Variants in MCTP1 observed in about 807,000 individuals in gnomAD.
The protein encoded by MCTP1 is multiple C2 and transmembrane domain-containing protein 1.
A neutral mutation model predicts 120.6 loss-of-function variants in MCTP1; 69 were observed. That is an observed-to-expected ratio of 0.57 (90% CI 0.47 to 0.70). The LOEUF (loss-of-function observed/expected upper bound fraction) is 0.70. MCTP1 is among the 30% of genes least tolerant of loss of function. The probability of loss-of-function intolerance (pLI) is 0.00; values close to 1 mark genes in which losing one functional copy is unlikely to be tolerated. For synonymous variants in MCTP1, 529 were observed against 493.1 expected (o/e 1.07, Z -0.96); for missense variants, 1,203 against 1,248.8 (o/e 0.96, Z 0.55).
chr5:94,946,689 A>C (rs1819017118), intron 3 of MCTP1, among the ~76,000 whole-genome samples: 1 of 152,082 alleles, frequency 6.6e-6, no homozygotes, highest in African/African-American at 2.4e-5. Context: ...TTTCTAATTC[A>C]AGGCTTTGTC....
chr5:94,722,097 C>T (rs1343877819), intron 19 of MCTP1, among the ~76,000 whole-genome samples: 1 of 152,082 alleles, frequency 6.6e-6, no homozygotes, highest in African/African-American at 2.4e-5. Context: ...CATATTGCAA[C>T]AGAAAGTTAA....
At chr5:94,707,802 T>TATA (rs1409229724) in intron 22 of MCTP1, among the ~76,000 whole-genome samples, 2 of 151,942 alleles carry the variant, frequency 1.3e-5, no homozygotes, top group Middle Eastern at 3.2e-3. Context: ...ATTCACTGTC[T>TATA]ATAACACATT....
At chr5:95,079,787 C>CTT (rs1342068702) in intron 1 of MCTP1, among the ~76,000 whole-genome samples, 4 of 151,760 alleles carry the variant, frequency 2.6e-5, no homozygotes, top group Non-Finnish European at 5.9e-5. Context: ...GAAGGAATAA[C>CTT]TTTTATTAAT....
chr5:95,064,458 C>T (rs987439893), intron 1 of MCTP1, among the ~76,000 whole-genome samples: 1 of 152,072 alleles, frequency 6.6e-6, no homozygotes, highest in African/African-American at 2.4e-5. Flanking sequence ...TTACAAATAC[C>T]CAATTTTAGT....
rs192543816 is a variant in MCTP1 at position 95,241,899 on chromosome 5, C to T, written c.720+41957G>A. On this transcript the variant is annotated intron_variant, in intron 1 of 22. Transcript: ENST00000515393. ...GTCTGAAAAGCTAGAAAGTTACATG[C>T]TTTCCAAAAAAGGAAACACTGAACC... is the stretch of plus-strand genomic sequence containing the variant. Among the ~76,000 whole-genome samples the T allele has an allele frequency of 6.5e-4, 99 of 151,732 alleles. 1 individual carries two copies. The East Asian group carries it at 0.015, about 22-fold the overall frequency.
intron 2 of MCTP1, among the ~76,000 whole-genome samples, chr5:94,993,582 G>C (rs923463413): frequency 6.6e-6 from 1 of 152,086 alleles, no homozygotes; most frequent in African/African-American, 2.4e-5. Context: ...ATGGGATGAG[G>C]GGCTGCTGTG....
At chr5:95,225,823 T>C (rs1754200417) in intron 1 of MCTP1, among the ~76,000 whole-genome samples, 1 of 152,038 alleles carries the variant, frequency 6.6e-6, no homozygotes, top group Non-Finnish European at 1.5e-5. Flanking sequence ...TCTCCCTTCC[T>C]CCCTCCCTTT....
At chr5:95,012,333 C>T (rs949760096) in intron 2 of MCTP1, among the ~76,000 whole-genome samples, 5 of 152,080 alleles carry the variant, frequency 3.3e-5, no homozygotes, top group African/African-American at 1.2e-4. Context: ...CCTGGTATAT[C>T]ATTAAGTAGT....
At chr5:95,030,561 A>G (rs1264471589) in intron 1 of MCTP1, among the ~76,000 whole-genome samples, 4 of 152,224 alleles carry the variant, frequency 2.6e-5, no homozygotes, top group Admixed American at 2.6e-4. Flanking sequence ...TATACAACCC[A>G]AGAGACACAT....
At chr5:95,074,650 T>C (rs1333035077) in intron 1 of MCTP1, among the ~76,000 whole-genome samples, 3 of 152,208 alleles carry the variant, frequency 2.0e-5, no homozygotes, top group Non-Finnish European at 4.4e-5. Flanking sequence ...CAAGTATATG[T>C]GCAGTGCCAA....
chr5:95,090,146 T>C (rs1442795210), intron 1 of MCTP1, among the ~76,000 whole-genome samples: 2 of 152,232 alleles, frequency 1.3e-5, no homozygotes, highest in African/African-American at 4.8e-5. Context: ...TGTTTTAAAA[T>C]CGGACAACCT....
chr5:95,135,558 C>T (rs1376232042), intron 1 of MCTP1, among the ~76,000 whole-genome samples: 1 of 152,100 alleles, frequency 6.6e-6, no homozygotes, highest in Non-Finnish European at 1.5e-5. Context: ...GATCAGCTGC[C>T]ATCGAATATA....
At chr5:95,013,355 C>A (rs1178086598) in intron 2 of MCTP1, among the ~76,000 whole-genome samples, 2 of 152,274 alleles carry the variant, frequency 1.3e-5, no homozygotes, top group Non-Finnish European at 1.5e-5. Flanking sequence ...CTACACTAAA[C>A]AACAGATTTT....
intron 2 of MCTP1, among the ~76,000 whole-genome samples, chr5:94,981,143 G>A (rs1182423085): frequency 1.3e-5 from 2 of 152,194 alleles, no homozygotes; most frequent in African/African-American, 4.8e-5. Context: ...GGTAGGTGGT[G>A]TGGGTCCCTG....
At chr5:94,934,737 GTTT>G (rs3030499) in intron 5 of MCTP1, among the ~76,000 whole-genome samples, 1 of 136,582 alleles carries the variant, frequency 7.3e-6, no homozygotes. Context: ...AGATAAAGAA[GTTT>G]TTTTTTTTTT....
chr5:95,221,082 A>C (rs1027447187), intron 1 of MCTP1, among the ~76,000 whole-genome samples: 1 of 152,238 alleles, frequency 6.6e-6, no homozygotes, highest in African/African-American at 2.4e-5. Context: ...TATGCTGTCC[A>C]GCATAGATGC....
At chr5:94,869,129 A>C (rs56025104) in intron 16 of MCTP1, among the ~76,000 whole-genome samples, 11,870 of 152,014 alleles carry the variant, frequency 0.078, 471 homozygotes, top group Non-Finnish European at 0.09. Flanking sequence ...TGATATAATT[A>C]GAAATTAAAA....
At chr5:95,030,899 T>C (rs145133174) in intron 1 of MCTP1, among the ~76,000 whole-genome samples, 10 of 151,486 alleles carry the variant, frequency 6.6e-5, no homozygotes, top group Admixed American at 1.3e-4. Context: ...AGAAAGCAGA[T>C]ATCCAACACA....
intron 1 of MCTP1, among the ~76,000 whole-genome samples, chr5:95,271,473 A>AG (rs1277637497): frequency 1.3e-5 from 2 of 151,786 alleles, no homozygotes; most frequent in Non-Finnish European, 2.9e-5. Flanking sequence ...TAGAAAAAAA[A>AG]AATGAACTAT....
Sources: allele counts gnomAD v4.1 joint callset (sites outside exome capture counted in the v4.1 genomes callset), GRCh38; gene constraint gnomAD v4.1.1; transcripts MANE v1.5; gene names NCBI Gene and HGNC (gene_info 2026-07-23, HGNC 2026-07-21).